Variants in KSR2 observed in about 807,000 individuals in gnomAD.
The protein encoded by KSR2 is kinase suppressor of ras 2.
A neutral mutation model predicts 107.8 loss-of-function variants in KSR2; 25 were observed. The observed-to-expected ratio is 0.23, with a 90% confidence interval of 0.17 to 0.32. The LOEUF is 0.32. Among genes scored for constraint, KSR2 ranks in the 10% least tolerant of loss-of-function variants. The probability of loss-of-function intolerance (pLI) is 1.00; values close to 1 mark genes in which losing one functional copy is unlikely to be tolerated. For synonymous variants in KSR2, 480 were observed against 507.0 expected (o/e 0.95, Z 0.71); for missense variants, 887 against 1,268.9 (o/e 0.70, Z 4.57).
Position 117,665,002 on chromosome 12 carries a change from C to A in KSR2, c.1171+2472G>T, listed in dbSNP as rs550133801. On this transcript the variant is annotated intron_variant, in intron 5 of 19. Transcript: ENST00000339824. ...GCCCCACACCAGGCTGCCTCTGTTT[C>A]TGTTACTTGTTAGAATCAACAGATA... is the stretch of plus-strand genomic sequence containing the variant. Among the ~76,000 whole-genome samples the A allele has an allele frequency of 2.2e-4, 34 of 152,290 alleles. No homozygotes were observed. In the South Asian group the frequency reaches 7.1e-3, roughly 32 times the overall value.
chr12:117,659,366 G>T (rs992978149), intron 5 of KSR2, among the ~76,000 whole-genome samples: 1 of 152,192 alleles, frequency 6.6e-6, no homozygotes, highest in Non-Finnish European at 1.5e-5. Context: ...GACAAGAGAA[G>T]ACTGATGATA....
intron 4 of KSR2, among the ~76,000 whole-genome samples, chr12:117,670,141 T>C (rs1243381428): frequency 6.6e-6 from 1 of 152,184 alleles, no homozygotes; most frequent in Non-Finnish European, 1.5e-5. Flanking sequence ...AGCTTTGATC[T>C]GAAATGGAGA....
At chr12:117,847,017 C>T (rs1389192868) in intron 3 of KSR2, among the ~76,000 whole-genome samples, 2 of 152,208 alleles carry the variant, frequency 1.3e-5, no homozygotes, top group Admixed American at 6.5e-5. Context: ...TTCTGCCGCT[C>T]GTAAGCGAGA....
chr12:117,662,193 A>G (rs1593104933), intron 5 of KSR2, among the ~76,000 whole-genome samples: 2 of 152,274 alleles, frequency 1.3e-5, no homozygotes, highest in East Asian at 3.9e-4. Flanking sequence ...AATTGGCACC[A>G]CTGAGTCCAG....
chr12:117,556,206 T>C (rs1441893454), intron 8 of KSR2, among the ~76,000 whole-genome samples: 1 of 96,038 alleles, frequency 1.0e-5, no homozygotes, highest in African/African-American at 4.1e-5. Flanking sequence ...AAAGGCGGCA[T>C]GGCCTTGAGG....
intron 10 of KSR2, among the ~76,000 whole-genome samples, chr12:117,534,975 CG>C (rs1875933144): frequency 6.6e-6 from 1 of 152,138 alleles, no homozygotes; most frequent in Non-Finnish European, 1.5e-5. Flanking sequence ...CAATGAAGCC[CG>C]TTTTGGACAT....
At chr12:117,828,408 T>G (rs934027880) in intron 3 of KSR2, among the ~76,000 whole-genome samples, 2 of 152,348 alleles carry the variant, frequency 1.3e-5, no homozygotes, top group Admixed American at 6.5e-5. Context: ...CTATCCTGAA[T>G]AGTAAACCAT....
chr12:117,522,137 G>T (rs1043844771), intron 14 of KSR2, among the ~76,000 whole-genome samples: 14 of 152,124 alleles, frequency 9.2e-5, no homozygotes, highest in Non-Finnish European at 7.3e-5. Context: ...GCTTGGGGAG[G>T]GGGGCTCAGA....
At chr12:117,653,382 A>G (rs1883984133) in intron 5 of KSR2, among the ~76,000 whole-genome samples, 1 of 152,278 alleles carries the variant, frequency 6.6e-6, no homozygotes, top group South Asian at 2.1e-4. Flanking sequence ...TGGCAAGGCC[A>G]GCAATATACC....
chr12:117,794,504 ACAACATGCACACACAC>A (rs1446208448), intron 3 of KSR2, among the ~76,000 whole-genome samples: 14 of 117,042 alleles, frequency 1.2e-4, no homozygotes, highest in Non-Finnish European at 1.1e-4. Flanking sequence ...ACATGCACAC[ACAACATGCACACACAC>A]CAACATGCAC....
At chr12:117,939,771 T>C (rs1020785754) in intron 1 of KSR2, among the ~76,000 whole-genome samples, 1 of 148,280 alleles carries the variant, frequency 6.7e-6, no homozygotes, top group Non-Finnish European at 1.5e-5. Context: ...GAAACCCCCG[T>C]CTCTACTAAA....
At chr12:117,582,672 G>A (rs114979595) in intron 5 of KSR2, among the ~76,000 whole-genome samples, 2,924 of 152,292 alleles carry the variant, frequency 0.019, 81 homozygotes, top group African/African-American at 0.065. Context: ...GCCTTAGCTT[G>A]CTACATTCTC....
At chr12:117,788,970 C>T (rs183705547) in intron 3 of KSR2, among the ~76,000 whole-genome samples, 1 of 152,312 alleles carries the variant, frequency 6.6e-6, no homozygotes, top group Non-Finnish European at 1.5e-5. Context: ...ATTAAAACAA[C>T]GTTAGGCTCC....
At chr12:117,609,430 G>C (rs965824661) in intron 5 of KSR2, among the ~76,000 whole-genome samples, 1 of 152,200 alleles carries the variant, frequency 6.6e-6, no homozygotes, top group Non-Finnish European at 1.5e-5. Context: ...CGGCACCAAG[G>C]CCAAATCCAG....
intron 1 of KSR2, among the ~76,000 whole-genome samples, chr12:117,966,423 G>A (rs1896787281): frequency 6.6e-6 from 1 of 151,994 alleles, no homozygotes; most frequent in Non-Finnish European, 1.5e-5. Context: ...CAGCAACAGA[G>A]CTCCGGCCTC....
chr12:117,676,999 G>C (rs962293713), intron 4 of KSR2, among the ~76,000 whole-genome samples: 2 of 152,188 alleles, frequency 1.3e-5, no homozygotes, highest in Non-Finnish European at 2.9e-5. Flanking sequence ...ACACTGACAA[G>C]TGGAGAAGGG....
chr12:117,608,058 A>G (rs1881393858), intron 5 of KSR2, among the ~76,000 whole-genome samples: 1 of 152,222 alleles, frequency 6.6e-6, no homozygotes, highest in South Asian at 2.1e-4. Context: ...TGCTTTTACC[A>G]AACTGTGGAG....
chr12:117,872,594 C>T (rs777730342), intron 1 of KSR2, among the ~76,000 whole-genome samples: 3 of 152,028 alleles, frequency 2.0e-5, no homozygotes, highest in Non-Finnish European at 2.9e-5. Flanking sequence ...AATTTCTAGG[C>T]CCATCTCTTA....
At position 117,527,326 on chromosome 12, in the gene KSR2, GACAC is replaced by G. The variant is rs752222461; in HGVS notation, c.1803-211_1803-208del. Among the ~76,000 whole-genome samples the G allele has an allele frequency of 4.8e-4, 34 of 71,574 alleles. 1 individual carries two copies. Among genetic ancestry groups the G allele is most frequent in the South Asian group, 2.2e-3 (4 of 1,812 alleles). The allele number at this position is 71,574 out of a possible 152,430, so 47.0% of individuals were successfully genotyped here. On this transcript the variant is annotated intron_variant, in intron 12 of 19. Transcript: ENST00000339824. ...AGACACACACACACACACACACACA[GACAC>G]ACACACACACACACACAGACACACA...
Sources: gnomAD v4.1 joint callset for allele counts (sites outside exome capture counted in the v4.1 genomes callset) on GRCh38, gnomAD v4.1.1 for gene constraint, MANE v1.5 for transcripts, NCBI Gene and HGNC (gene_info 2026-07-23, HGNC 2026-07-21) for gene names.